Variants in ASIC2 observed in about 807,000 individuals in gnomAD.
ASIC2 encodes acid sensing ion channel subunit 2.
Under a neutral mutation model 57.3 loss-of-function variants are expected in ASIC2, and 25 were observed. The observed-to-expected ratio is 0.44, with a 90% CI of 0.32 to 0.61. ASIC2 has a LOEUF of 0.61. Among genes scored for constraint, ASIC2 ranks in the 20% least tolerant of loss-of-function variants. The probability of loss-of-function intolerance (pLI) is 0.06; values close to 1 mark genes in which losing one functional copy is unlikely to be tolerated. For synonymous variants in ASIC2, 319 were observed against 307.5 expected (o/e 1.04, Z -0.39); for missense variants, 641 against 738.1 (o/e 0.87, Z 1.52).
At chr17:33,154,380 A>T (rs1904915880) in intron 1 of ASIC2, among the ~76,000 whole-genome samples, 1 of 152,244 alleles carries the variant, frequency 6.6e-6, no homozygotes, top group South Asian at 2.1e-4. Context: ...TCATGGCAAC[A>T]AATTATTTCA....
At chr17:33,915,422 T>C (rs375255356) in intron 1 of ASIC2, among the ~76,000 whole-genome samples, 2 of 152,226 alleles carry the variant, frequency 1.3e-5, no homozygotes, top group Non-Finnish European at 2.9e-5. Flanking sequence ...CTTCAATTAC[T>C]GCCCTGGCAT....
chr17:34,152,720 G>A (rs974147533), intron 1 of ASIC2, among the ~76,000 whole-genome samples: 43 of 152,196 alleles, frequency 2.8e-4, no homozygotes, highest in African/African-American at 9.9e-4. Flanking sequence ...GCCTAGAGAG[G>A]ACGCAAGATA....
intron 1 of ASIC2, among the ~76,000 whole-genome samples, chr17:33,434,016 G>T (rs916969289): frequency 6.6e-6 from 1 of 151,844 alleles, no homozygotes; most frequent in Non-Finnish European, 1.5e-5. Context: ...AAAGAAGTAA[G>T]CCGGACAGGG....
At chr17:33,623,228 G>T (rs1290156339) in intron 1 of ASIC2, among the ~76,000 whole-genome samples, 2 of 101,470 alleles carry the variant, frequency 2.0e-5, no homozygotes, top group Non-Finnish European at 4.1e-5. Flanking sequence ...GATACCTCTT[G>T]TGATATCGTT....
rs527926316 is a variant in ASIC2 at position 33,943,535 on chromosome 17, T to C, written c.555+212443A>G. Among the ~76,000 whole-genome samples the C allele has an allele frequency of 3.9e-5, 6 of 152,246 alleles. No individual in the cohort carries two copies. The South Asian group carries it at 8.3e-4, about 21-fold the overall frequency. ...CAAGTACCTCTGTCCCAATTTACAGTTGAGGCTGCAGACCCTAGAAGGTTA... is the reference window on the plus strand; with the variant it reads ...CAAGTACCTCTGTCCCAATTTACAGCTGAGGCTGCAGACCCTAGAAGGTTA... On this transcript the variant is annotated intron_variant, in intron 1 of 9. Coordinates refer to the ASIC2 transcript ENST00000359872.
At chr17:33,147,851 C>T (rs1383198821) in intron 1 of ASIC2, among the ~76,000 whole-genome samples, 5 of 152,200 alleles carry the variant, frequency 3.3e-5, no homozygotes, top group Non-Finnish European at 7.3e-5. Flanking sequence ...CAGGGGCTTC[C>T]CTCTCCAAGT....
intron 1 of ASIC2, among the ~76,000 whole-genome samples, chr17:33,473,069 A>G (rs536304825): frequency 2.0e-5 from 3 of 152,356 alleles, no homozygotes; most frequent in East Asian, 3.9e-4. Context: ...GCAATAATCA[A>G]TAAGTACCAT....
intron 1 of ASIC2, among the ~76,000 whole-genome samples, chr17:33,528,167 G>GGGGTGTGTGTGTGTGTGTGT (rs71362891): frequency 7.0e-6 from 1 of 143,406 alleles, no homozygotes; most frequent in African/African-American, 2.6e-5. Flanking sequence ...GTATGTGGTA[G>GGGGTGTGTGTGTGTGTGTGT]GTGTGTGTGT....
At chr17:33,400,775 T>A (rs1910254936) in intron 1 of ASIC2, among the ~76,000 whole-genome samples, 1 of 152,190 alleles carries the variant, frequency 6.6e-6, no homozygotes, top group Non-Finnish European at 1.5e-5. Flanking sequence ...CTGTCCTCAC[T>A]GTTGACTCTT....
At chr17:33,871,009 G>A (rs1914390105) in intron 1 of ASIC2, among the ~76,000 whole-genome samples, 2 of 152,258 alleles carry the variant, frequency 1.3e-5, no homozygotes, top group South Asian at 4.2e-4. Context: ...CATGAAGCTG[G>A]GCATCTTGGC....
At chr17:33,453,131 C>A (rs1912322057) in intron 1 of ASIC2, among the ~76,000 whole-genome samples, 1 of 152,064 alleles carries the variant, frequency 6.6e-6, no homozygotes, top group Admixed American at 6.6e-5. Context: ...TCCTCCTCTG[C>A]AATTCTCACA....
At chr17:33,126,856 CTTTTTTT>C (rs1159710708) in intron 1 of ASIC2, among the ~76,000 whole-genome samples, 5 of 85,326 alleles carry the variant, frequency 5.9e-5, no homozygotes, top group East Asian at 3.5e-4. Flanking sequence ...TACCATTACT[CTTTTTTT>C]TTTTTTTTTT....
chr17:34,142,224 T>A (rs11654858), intron 1 of ASIC2, among the ~76,000 whole-genome samples: 49,968 of 152,054 alleles, frequency 0.33, 8,950 homozygotes, highest in Middle Eastern at 0.45. Flanking sequence ...ATAGTGGGCA[T>A]GCTGGAGACC....
intron 1 of ASIC2, among the ~76,000 whole-genome samples, chr17:33,349,502 C>T (rs1047265234): frequency 7.9e-5 from 12 of 152,168 alleles, no homozygotes; most frequent in Non-Finnish European, 1.5e-4. Flanking sequence ...GGCTGATGCC[C>T]TACCAGGCCA....
chr17:33,793,764 A>T (rs1911839276), intron 1 of ASIC2: 1 of 152,164 alleles, frequency 6.6e-6, no homozygotes, highest in African/African-American at 2.4e-5. Flanking sequence ...GCTTCTATCT[A>T]CCAAGTCCGT....
chr17:34,100,407 A>G (rs1910821749), intron 1 of ASIC2, among the ~76,000 whole-genome samples: 1 of 152,182 alleles, frequency 6.6e-6, no homozygotes. Context: ...TCGTCACATC[A>G]TAATTCTCCA....
At chr17:33,368,977 C>T (rs1369011977) in intron 1 of ASIC2, among the ~76,000 whole-genome samples, 1 of 152,196 alleles carries the variant, frequency 6.6e-6, no homozygotes, top group African/African-American at 2.4e-5. Flanking sequence ...ACCCTCCAGA[C>T]ACAAGTCTGC....
chr17:33,483,665 C>G (rs1346994631), intron 1 of ASIC2, among the ~76,000 whole-genome samples: 2 of 152,226 alleles, frequency 1.3e-5, no homozygotes, highest in African/African-American at 2.4e-5. Flanking sequence ...AGGGCCATGA[C>G]TTATCCTACT....
intron 1 of ASIC2, among the ~76,000 whole-genome samples, chr17:34,101,901 T>G (rs868575997): frequency 4.6e-5 from 7 of 152,204 alleles, no homozygotes; most frequent in South Asian, 2.1e-4. Flanking sequence ...CATTCTTGAT[T>G]TACCTATGCC....
Sources: gnomAD v4.1 joint callset for allele counts (sites outside exome capture counted in the v4.1 genomes callset) on GRCh38, gnomAD v4.1.1 for gene constraint, MANE v1.5 for transcripts, NCBI Gene and HGNC (gene_info 2026-07-23, HGNC 2026-07-21) for gene names.